UGT2A2: variants seen among roughly 807,000 people sequenced by gnomAD.
UGT2A2 encodes the protein UDP-glucuronosyltransferase 2A2.
A neutral mutation model predicts 50.7 loss-of-function variants in UGT2A2; 60 were observed. That is an observed-to-expected ratio of 1.18 (90% confidence interval 0.96 to 1.47). The LOEUF is 1.47. Among genes scored for constraint, UGT2A2 ranks in the 40% most tolerant of loss-of-function variants. The pLI is 0.00. For missense variants in UGT2A2, 762 were observed against 634.0 expected (o/e 1.20, Z -2.17); for synonymous variants, 242 against 214.6 (o/e 1.13, Z -1.11).
chr4:69,637,648 T>C (rs1233875482), intron 1 of UGT2A2, among the ~76,000 whole-genome samples: 5 of 152,160 alleles, frequency 3.3e-5, no homozygotes, highest in Admixed American at 3.3e-4. Flanking sequence ...CTAAGAACTA[T>C]CTGTTCTTCT....
At chr4:69,597,438 A>G (rs982419863) in intron 2 of UGT2A2, among the ~76,000 whole-genome samples, 2 of 152,154 alleles carry the variant, frequency 1.3e-5, no homozygotes, top group African/African-American at 2.4e-5. Context: ...TGACACTGCA[A>G]AATCTGAGAT....
chr4:69,601,364 G>A (rs149589856), intron 1 of UGT2A2, among the ~76,000 whole-genome samples: 364 of 152,136 alleles, frequency 2.4e-3, no homozygotes, highest in African/African-American at 8.2e-3. Context: ...AGAGAATTTG[G>A]GGAGCTCCAT....
rs1458206111 is a variant in UGT2A2 at position 69,599,969 on chromosome 4, C to T, written c.743-575G>A. On this transcript the variant is annotated intron_variant, in intron 1 of 5. Coordinates refer to ENST00000604629, the MANE Select transcript of UGT2A2 (RefSeq NM_001105677.2). ...AATCAGAGGCATTGCTAGCATGCCT[C>T]TCCCACTTGAAAAGACAATATAGTG... Among the ~76,000 whole-genome samples the T allele has an allele frequency of 3.9e-5, 6 of 152,186 alleles. No homozygotes were observed. The East Asian group carries it at 1.2e-3, about 29-fold the overall frequency.
chr4:69,592,889 G>A (rs1279318290), intron 5 of UGT2A2, among the ~76,000 whole-genome samples: 1 of 151,996 alleles, frequency 6.6e-6, no homozygotes, highest in Non-Finnish European at 1.5e-5. Context: ...CAGTATAATT[G>A]AAGAAAAATA....
At chr4:69,630,040 T>C (rs1311619655) in intron 1 of UGT2A2, among the ~76,000 whole-genome samples, 1 of 152,102 alleles carries the variant, frequency 6.6e-6, no homozygotes, top group Admixed American at 6.6e-5. Flanking sequence ...CTGGAATTTA[T>C]TTCTCATATT....
chr4:69,623,454 T>A (rs1248443013), intron 1 of UGT2A2, among the ~76,000 whole-genome samples: 5 of 151,772 alleles, frequency 3.3e-5, no homozygotes, highest in African/African-American at 1.2e-4. Flanking sequence ...ATGAATGCAT[T>A]ACCAAGTCAC....
At chr4:69,596,532 T>C (rs1967984) in intron 2 of UGT2A2, 151 bp from the exon 3 acceptor site, 204,903 of 1,211,412 alleles carry the variant, frequency 0.17, 21,143 homozygotes, top group East Asian at 0.53. Flanking sequence ...CTAGTTTCTA[T>C]ATTTTTTTTT....
In UGT2A2 at chr4:69,607,807, A is replaced by T. The variant is rs530941716; in HGVS notation, c.743-8413T>A. Among the ~76,000 whole-genome samples the T allele has an allele frequency of 4.6e-5, 7 of 152,364 alleles. No homozygotes were observed. In the South Asian group the frequency reaches 1.4e-3, roughly 32 times the overall value. ...AAGAAGACATTTATGCAGCCAAAAG[A>T]CACATGAAAAAATGCTCATCATCAC... On this transcript the variant is annotated intron_variant, in intron 1 of 5. Transcript: ENST00000604629.
At chr4:69,625,050 A>C (rs1191534772) in intron 1 of UGT2A2, among the ~76,000 whole-genome samples, 1 of 151,176 alleles carries the variant, frequency 6.6e-6, no homozygotes, top group African/African-American at 2.4e-5. Context: ...CTGGGTATTA[A>C]ATTTGCTGGG....
At chr4:69,603,774 A>C (rs1452921376) in intron 1 of UGT2A2, among the ~76,000 whole-genome samples, 1 of 137,368 alleles carries the variant, frequency 7.3e-6, no homozygotes, top group Non-Finnish European at 1.6e-5. Flanking sequence ...ACAAATGCAC[A>C]AGCCTCAGTA....
intron 1 of UGT2A2, among the ~76,000 whole-genome samples, chr4:69,618,323 T>C (rs2109931291): frequency 6.9e-6 from 1 of 143,890 alleles, no homozygotes; most frequent in South Asian, 2.3e-4. Context: ...GGCATTAAAT[T>C]AAGTCCAACC....
chr4:69,608,247 A>G (rs952128795), intron 1 of UGT2A2, among the ~76,000 whole-genome samples: 7 of 152,182 alleles, frequency 4.6e-5, no homozygotes, highest in African/African-American at 1.4e-4. Context: ...GCCATAAAAA[A>G]TGATGAGTTC....
intron 1 of UGT2A2, among the ~76,000 whole-genome samples, chr4:69,625,535 C>A (rs1053651490): frequency 6.6e-6 from 1 of 151,140 alleles, no homozygotes. Flanking sequence ...TGTGTCCAAT[C>A]TATTAATACT....
chr4:69,614,431 A>G (rs1363798814), intron 1 of UGT2A2, among the ~76,000 whole-genome samples: 1 of 144,980 alleles, frequency 6.9e-6, no homozygotes, highest in Non-Finnish European at 1.5e-5. Context: ...TCCCTATCAA[A>G]AGACCAATAA....
At chr4:69,631,770 A>G (rs537234652) in intron 1 of UGT2A2, among the ~76,000 whole-genome samples, 3 of 152,298 alleles carry the variant, frequency 2.0e-5, no homozygotes, top group African/African-American at 7.2e-5. Context: ...GACTACGGAC[A>G]TATTACTAGG....
chr4:69,591,449 G>A (rs1339292516), intron 5 of UGT2A2, among the ~76,000 whole-genome samples: 1 of 152,118 alleles, frequency 6.6e-6, no homozygotes, highest in Non-Finnish European at 1.5e-5. Context: ...AGGAATGCCT[G>A]GGTTAAGATA....
intron 1 of UGT2A2, among the ~76,000 whole-genome samples, chr4:69,627,723 T>G (rs183472872): frequency 6.6e-6 from 1 of 151,848 alleles, no homozygotes; most frequent in Non-Finnish European, 1.5e-5. Flanking sequence ...CAAAGGCAAG[T>G]GTCCCTGTAT....
At chr4:69,626,696 A>T (rs1448586152) in intron 1 of UGT2A2, among the ~76,000 whole-genome samples, 5 of 151,814 alleles carry the variant, frequency 3.3e-5, no homozygotes, top group Non-Finnish European at 7.4e-5. Context: ...CATTTAAAAA[A>T]TTTTCATTAT....
Position 69,599,410 on chromosome 4 carries a change from C to G in UGT2A2, c.743-16G>C. 1 of 1,610,720 alleles carries G rather than the reference C, an allele frequency of 6.2e-7. No homozygotes were observed. Among genetic ancestry groups the G allele is most frequent in the South Asian group, 1.1e-5 (1 of 90,376 alleles). ...GTGGGTCTTCCTGGAGAAAATGTAA[C>G]AAGTTGGATGGAGGAAATTAGCTTA... On this transcript the variant is annotated splice_polypyrimidine_tract_variant and intron_variant, in intron 1 of 5. Transcript: ENST00000604629.
Sources: allele counts gnomAD v4.1 joint callset (sites outside exome capture counted in the v4.1 genomes callset), GRCh38; gene constraint gnomAD v4.1.1; transcripts MANE v1.5; gene names NCBI Gene and HGNC (gene_info 2026-07-23, HGNC 2026-07-21).